CUX2: variants seen among roughly 807,000 people sequenced by gnomAD.
CUX2 encodes homeobox protein cut-like 2.
A neutral mutation model predicts 144.8 loss-of-function variants in CUX2; 40 were observed. The observed-to-expected ratio is 0.28, with a 90% CI of 0.21 to 0.36. The LOEUF (loss-of-function observed/expected upper bound fraction) is 0.36, where lower values mean the gene tolerates loss of function less well. CUX2 is among the 10% of genes least tolerant of loss of function. CUX2 has a pLI of 1.00. For missense variants in CUX2, 1,615 were observed against 1,994.0 expected, an observed-to-expected ratio of 0.81 and a Z score of 3.62; for synonymous variants, 827 against 875.6, an observed-to-expected ratio of 0.94 and a Z score of 0.98.
chr12:111,104,141 C>T (rs561710767), intron 1 of CUX2, among the ~76,000 whole-genome samples: 9 of 152,192 alleles, frequency 5.9e-5, no homozygotes, highest in Non-Finnish European at 1.3e-4. Flanking sequence ...CATTTTCTCT[C>T]TCTTGGGGCA....
At chr12:111,232,212 A>AT (rs1491221345) in intron 3 of CUX2, among the ~76,000 whole-genome samples, 10 of 148,550 alleles carry the variant, frequency 6.7e-5, no homozygotes, top group South Asian at 2.1e-4. Flanking sequence ...CTGAAAAAAA[A>AT]ATATATATAT....
At chr12:111,181,625 A>C (rs938308685) in intron 1 of CUX2, among the ~76,000 whole-genome samples, 90 of 152,364 alleles carry the variant, frequency 5.9e-4, no homozygotes, top group African/African-American at 2.1e-3. Context: ...GCCTCTGTGC[A>C]CCAGCTCCAT....
Position 111,348,584 on chromosome 12 carries a change from A to C in CUX2, c.*259A>C. ...CCCCTCTGCAGGAGGCAGAAGCAAA[A>C]TGGCACCACATATTCACCTGAAAAC... On this transcript the variant is annotated 3_prime_UTR_variant, in exon 22 of 22. Coordinates refer to ENST00000261726, the MANE Select transcript of CUX2 (RefSeq NM_015267.4). 2.4e-6 allele frequency: 1 copy of C among 409,152 alleles called. No homozygotes were observed. Among genetic ancestry groups the C allele is most frequent in the Non-Finnish European group, 4.3e-6 (1 of 230,582 alleles). The allele number at this position is 409,152 out of a possible 1,614,324, so 25.3% of individuals were successfully genotyped here.
Position 111,034,362 on chromosome 12 carries a change from G to C in CUX2, c.63+122G>C. ...GGGGCGGCGGGCGGCGGCTGCCGGG[G>C]CTCGCCGGGGCTCGGCCGCCCGCTG... On this transcript the variant is annotated intron_variant, in intron 1 of 21. Transcript: ENST00000261726. The surrounding 1 kb of genome is among the most constrained non-coding windows in gnomAD (Gnocchi z 4.2). 1 of 275,142 alleles carries C rather than the reference G, an allele frequency of 3.6e-6. No individual in the cohort carries two copies. The allele number at this position is 275,142 out of a possible 1,614,324, so 17.0% of individuals were successfully genotyped here.
At chr12:111,196,515 G>A (rs1053503307) in intron 1 of CUX2, among the ~76,000 whole-genome samples, 3 of 152,142 alleles carry the variant, frequency 2.0e-5, no homozygotes, top group Non-Finnish European at 2.9e-5. Context: ...TTGCATTTTT[G>A]GTCCCTGGTT....
At chr12:111,205,303 C>T (rs1880853601) in intron 1 of CUX2, among the ~76,000 whole-genome samples, 1 of 152,106 alleles carries the variant, frequency 6.6e-6, no homozygotes, top group Non-Finnish European at 1.5e-5. Flanking sequence ...TTGCTCTGAA[C>T]ATCCCCTGAA....
At chr12:111,056,435 T>TGG (rs1681256933) in intron 1 of CUX2, among the ~76,000 whole-genome samples, 1 of 152,226 alleles carries the variant, frequency 6.6e-6, no homozygotes, top group Non-Finnish European at 1.5e-5. Context: ...ATCTGGCAAT[T>TGG]GATGCTGGCT....
intron 18 of CUX2, among the ~76,000 whole-genome samples, chr12:111,327,821 C>G (rs1299990765): frequency 6.6e-6 from 1 of 152,132 alleles, no homozygotes; most frequent in Admixed American, 6.6e-5. Context: ...CTTTGGGAGG[C>G]TAAAGCAGGC....
chr12:111,217,109 T>C (rs1229411954), intron 2 of CUX2, among the ~76,000 whole-genome samples: 1 of 152,112 alleles, frequency 6.6e-6, no homozygotes, highest in African/African-American at 2.4e-5. Flanking sequence ...GAAGAATACA[T>C]AGGAGTTTGC....
intron 9 of CUX2, among the ~76,000 whole-genome samples, chr12:111,301,382 G>T (rs1886284203): frequency 6.6e-6 from 1 of 152,214 alleles, no homozygotes; most frequent in African/African-American, 2.4e-5. Flanking sequence ...AGGTGGTTAT[G>T]TAGGAGAGGG....
intron 19 of CUX2, among the ~76,000 whole-genome samples, chr12:111,337,647 A>C (rs1201227100): frequency 2.6e-5 from 4 of 152,236 alleles, no homozygotes; most frequent in Non-Finnish European, 5.9e-5. Context: ...GGAATCTGTC[A>C]AATTATCCTC....
intron 12 of CUX2, 43 bp from the exon 13 acceptor site, chr12:111,308,242 C>T (rs1034658031): frequency 6.8e-6 from 11 of 1,612,576 alleles, no homozygotes; most frequent in African/African-American, 1.3e-5. Flanking sequence ...TCCTCCAGCC[C>T]GGGGGCTGGC....
In CUX2 at chr12:111,347,537, C is replaced by T. The variant is rs1183409860; in HGVS notation, c.3673C>T (p.Arg1225Trp). ...TCTCTGCCCCAGGTCCCGGATGCGC[C>T]GGGAGATGTTGGTGGAGGGGACCCA... ...WFHNYRSRMR[R>W]EMLVEGTQDE... Residue 1225 changes from arginine to tryptophan, a missense_variant, in exon 22 of 22, where the codon CGG becomes TGG. Arg to Trp is a moderately radical substitution (Grantham distance 101, BLOSUM62 -3). Transcript: ENST00000261726. 6 of 1,599,446 alleles carry T rather than the reference C, an allele frequency of 3.8e-6. No individual in the cohort carries two copies. The highest frequency in any genetic ancestry group is 5.1e-6 in the Non-Finnish European group (6 of 1,173,458).
intron 1 of CUX2, among the ~76,000 whole-genome samples, chr12:111,104,920 G>A (rs1190930842): frequency 6.6e-6 from 1 of 152,158 alleles, no homozygotes; most frequent in East Asian, 1.9e-4. Context: ...AAAGGACAGG[G>A]ATAGGGAGGG....
At chr12:111,259,031 CTGTGTGTGTGTGTG>C (rs57814010) in intron 3 of CUX2, among the ~76,000 whole-genome samples, 53 of 132,296 alleles carry the variant, frequency 4.0e-4, no homozygotes, top group African/African-American at 1.2e-3. Flanking sequence ...CCACACCCAG[CTGTGTGTGTGTGTG>C]TGTGTGTGTG....
intron 1 of CUX2, among the ~76,000 whole-genome samples, chr12:111,097,213 ATG>A (rs903444993): frequency 2.0e-5 from 3 of 152,002 alleles, no homozygotes; most frequent in African/African-American, 7.3e-5. Flanking sequence ...AGACCCTCAA[ATG>A]TGTGTGTGTC....
chr12:111,184,141 A>C (rs1466649808), intron 1 of CUX2, among the ~76,000 whole-genome samples: 1 of 152,178 alleles, frequency 6.6e-6, no homozygotes, highest in Non-Finnish European at 1.5e-5. Flanking sequence ...AACATCTATG[A>C]CATTTACATA....
intron 1 of CUX2, among the ~76,000 whole-genome samples, chr12:111,168,458 C>T (rs1040292127): frequency 3.9e-5 from 6 of 152,198 alleles, no homozygotes; most frequent in Admixed American, 6.5e-5. Context: ...CAAGGAGAGA[C>T]GCACTAAGTT....
chr12:111,261,387 G>A (rs1279593631), intron 3 of CUX2, among the ~76,000 whole-genome samples: 28 of 42,162 alleles, frequency 6.6e-4, no homozygotes, highest in East Asian at 2.2e-3. Flanking sequence ...CCCCGCCCCC[G>A]CCCCAAGATT....
Sources: allele counts gnomAD v4.1 joint callset (sites outside exome capture counted in the v4.1 genomes callset), GRCh38; gene constraint gnomAD v4.1.1; non-coding constraint Gnocchi (gnomAD v3.1); transcripts MANE v1.5; gene names NCBI Gene and HGNC (gene_info 2026-07-23, HGNC 2026-07-21).